CFAP206: variants seen among roughly 807,000 people sequenced by gnomAD.
CFAP206 encodes cilia and flagella associated protein 206, also known as cilia- and flagella-associated protein 206.
In CFAP206, 53 loss-of-function variants were observed where a neutral mutation model predicts 65.4. The observed-to-expected ratio is 0.81, with a 90% CI of 0.65 to 1.02. CFAP206 has a LOEUF of 1.02. CFAP206 is among the 50% of genes least tolerant of loss of function. CFAP206 has a pLI of 0.00. For synonymous variants in CFAP206, 250 were observed against 254.4 expected, an observed-to-expected ratio of 0.98 and a Z score of 0.17; for missense variants, 663 against 753.2, an observed-to-expected ratio of 0.88 and a Z score of 1.40.
At chr6:87,456,421 G>A (rs753737461) in intron 11 of CFAP206, among the ~76,000 whole-genome samples, 9 of 152,120 alleles carry the variant, frequency 5.9e-5, no homozygotes, top group African/African-American at 1.7e-4. Flanking sequence ...GTATCATACC[G>A]AACGGGAAAA....
At chr6:87,433,392 C>T (rs753569573) in intron 10 of CFAP206, among the ~76,000 whole-genome samples, 1 of 152,148 alleles carries the variant, frequency 6.6e-6, no homozygotes, top group Non-Finnish European at 1.5e-5. Context: ...ATGAGTAAGA[C>T]AGTGTTGCTC....
intron 11 of CFAP206, among the ~76,000 whole-genome samples, chr6:87,451,830 C>T (rs1768549404): frequency 6.6e-6 from 1 of 151,194 alleles, no homozygotes; most frequent in Non-Finnish European, 1.5e-5. Flanking sequence ...CGAGATAGTG[C>T]CACTGCACTC....
At chr6:87,446,486 G>T (rs554053931) in intron 11 of CFAP206, among the ~76,000 whole-genome samples, 1 of 152,180 alleles carries the variant, frequency 6.6e-6, no homozygotes, top group East Asian at 1.9e-4. Flanking sequence ...CCCATTGGTT[G>T]TCAAAGATCA....
At chr6:87,429,391 C>T (rs891721166) in intron 9 of CFAP206, among the ~76,000 whole-genome samples, 1 of 152,008 alleles carries the variant, frequency 6.6e-6, no homozygotes, top group Non-Finnish European at 1.5e-5. Flanking sequence ...CTATTGCAGT[C>T]CTAGTAATTT....
intron 5 of CFAP206, 148 bp downstream of exon 5, chr6:87,416,022 A>G (rs1767825073): frequency 1.1e-5 from 7 of 617,220 alleles, no homozygotes; most frequent in Admixed American, 3.6e-5. Flanking sequence ...GTTAAAATGT[A>G]CCCAGTCTCC....
In CFAP206 at chr6:87,430,612, A is replaced by G. The variant is rs189233428; in HGVS notation, c.1160-421A>G. ...AACAACACTATATTGAATGAGGTCA[A>G]TATATCTCTTTCTGGGTCACATAGC... On this transcript the variant is annotated intron_variant, in intron 9 of 12. Coordinates refer to ENST00000369562, the MANE Select transcript of CFAP206 (RefSeq NM_001031743.3). 6.5e-4 allele frequency among the ~76,000 whole-genome samples: 99 copies of G among 152,314 alleles called. 1 individual carries two copies. Among genetic ancestry groups the G allele is most frequent in the African/African-American group, 2.3e-3 (97 of 41,562 alleles).
intron 11 of CFAP206, among the ~76,000 whole-genome samples, chr6:87,451,940 G>A (rs2127956367): frequency 6.6e-6 from 1 of 151,846 alleles, no homozygotes. Flanking sequence ...TCTATCACTT[G>A]CTGACTAAAG....
chr6:87,463,275 G>A (rs1768773808), intron 12 of CFAP206, among the ~76,000 whole-genome samples: 1 of 152,174 alleles, frequency 6.6e-6, no homozygotes. Context: ...TGAAGACAAT[G>A]GAATAGTAAA....
At position 87,449,174 on chromosome 6, in the gene CFAP206, C is replaced by T. The variant is rs544276706; in HGVS notation, c.1495-11848C>T. On this transcript the variant is annotated intron_variant, in intron 11 of 12. Transcript: ENST00000369562. ...TTCCTGGGCCAGGCGCGGTGGCTCACGCCTGTAATCCCAACACTTTGGGAG... is the reference window on the plus strand; with the variant it reads ...TTCCTGGGCCAGGCGCGGTGGCTCATGCCTGTAATCCCAACACTTTGGGAG... Among the ~76,000 whole-genome samples the T allele has an allele frequency of 3.3e-5, 5 of 152,122 alleles. No homozygotes were observed. The East Asian group carries it at 7.8e-4, about 24-fold the overall frequency.
chr6:87,410,028 G>A lies in CFAP206; in HGVS notation c.108+81G>A. The A allele has an allele frequency of 5.5e-6, 5 of 913,010 alleles. No individual in the cohort carries two copies. The South Asian group carries it at 7.5e-5, about 14-fold the overall frequency. 56.6% of individuals were successfully genotyped at this position (913,010 alleles called of 1,614,324 possible). On this transcript the variant is annotated intron_variant, in intron 2 of 12. Transcript: ENST00000369562. The stretch of plus-strand genomic sequence containing the variant: ...GTGTCCATTTTCCCCTTTAAATTCT[G>A]TGAGGCTTTCATAAATGTTTTTCAG...
chr6:87,441,504 G>GGTTC (rs981333514), intron 11 of CFAP206: 6 of 159,944 alleles, frequency 3.8e-5, no homozygotes, highest in African/African-American at 1.4e-4. Flanking sequence ...GGATTTAACA[G>GGTTC]TGTGGCAGAA....
At position 87,442,745 on chromosome 6, in the gene CFAP206, C is replaced by A. The variant is rs192944654; in HGVS notation, c.1494+7692C>A. On this transcript the variant is annotated intron_variant, in intron 11 of 12. Transcript: ENST00000369562. ...TGTGTCTTTTGAGATGATCGTTTGG[C>A]CTTTATCCTTTAATCTGCTAATGTG... is the stretch of plus-strand genomic sequence containing the variant. Among the ~76,000 whole-genome samples the A allele has an allele frequency of 4.5e-3, 678 of 152,066 alleles. 4 individuals carry two copies. Among genetic ancestry groups the A allele is most frequent in the Admixed American group, 9.8e-3 (149 of 15,250 alleles).
At chr6:87,445,275 C>G (rs1317586667) in intron 11 of CFAP206, 1 of 223,824 alleles carries the variant, frequency 4.5e-6, no homozygotes, top group East Asian at 1.4e-4. Flanking sequence ...TAAATGTGTG[C>G]TGAGGTGGTT....
In CFAP206 at chr6:87,426,559, A is replaced by G; in HGVS notation, c.874A>G (p.Met292Val). 1.3e-6 allele frequency: 2 copies of G among 1,598,448 alleles called. No individual in the cohort carries two copies. Among genetic ancestry groups the G allele is most frequent in the Non-Finnish European group, 1.7e-6 (2 of 1,172,072 alleles). ...AATTACTGGTGCTCAAGAAGTGGAAATGATGACAAAACAGTTAGGAGCCCA... is the reference window on the plus strand; with the variant it reads ...AATTACTGGTGCTCAAGAAGTGGAAGTGATGACAAAACAGTTAGGAGCCCA... ...DIITGAQEVE[M>V]MTKQLGAHLE... Residue 292 changes from methionine (M) to valine (V), a missense_variant, in exon 8 of 13, where the codon ATG becomes GTG. Met to Val is a conservative substitution (Grantham distance 21). Coordinates refer to ENST00000369562, the MANE Select transcript of CFAP206 (RefSeq NM_001031743.3).
chr6:87,454,076 GAGC>G (rs1239754955), intron 11 of CFAP206, among the ~76,000 whole-genome samples: 1 of 152,100 alleles, frequency 6.6e-6, no homozygotes, highest in African/African-American at 2.4e-5. Context: ...AACCAAAAAA[GAGC>G]AGGAGTGGCC....
At chr6:87,455,385 C>T (rs1768620857) in intron 11 of CFAP206, among the ~76,000 whole-genome samples, 1 of 152,096 alleles carries the variant, frequency 6.6e-6, no homozygotes, top group Non-Finnish European at 1.5e-5. Flanking sequence ...CAATAACTAT[C>T]TACATGAAAA....
chr6:87,435,088 T>C, intron 11 of CFAP206, 35 bp downstream of exon 11: 1 of 1,420,770 alleles, frequency 7.0e-7, no homozygotes, highest in Non-Finnish European at 9.7e-7. Context: ...ATTTATGACA[T>C]TTAAAAATAT....
At chr6:87,412,784 C>T (rs950203587) in intron 3 of CFAP206, among the ~76,000 whole-genome samples, 1 of 152,122 alleles carries the variant, frequency 6.6e-6, no homozygotes, top group African/African-American at 2.4e-5. Flanking sequence ...TCTCAGCCTC[C>T]CGAGTAGCTG....
At chr6:87,457,149 C>CAAAAA (rs56842848) in intron 11 of CFAP206, among the ~76,000 whole-genome samples, 5 of 115,902 alleles carry the variant, frequency 4.3e-5, no homozygotes, top group Non-Finnish European at 7.3e-5. Context: ...GACAACCTCT[C>CAAAAA]AAAAAAAAAA....
Sources: allele counts gnomAD v4.1 joint callset (sites outside exome capture counted in the v4.1 genomes callset), GRCh38; gene constraint gnomAD v4.1.1; transcripts MANE v1.5; gene names NCBI Gene and HGNC (gene_info 2026-07-23, HGNC 2026-07-21).